Variants in FBXW4 observed in about 807,000 individuals in gnomAD.
FBXW4 encodes F-box/WD repeat-containing protein 4.
In FBXW4, 40 loss-of-function variants were observed where a neutral mutation model predicts 61.8. That is an observed-to-expected ratio of 0.65 (90% CI 0.50 to 0.84). The LOEUF (loss-of-function observed/expected upper bound fraction) is 0.84. FBXW4 is among the 40% of genes least tolerant of loss of function. The probability of loss-of-function intolerance (pLI) is 0.00; values close to 1 mark genes in which losing one functional copy is unlikely to be tolerated. For synonymous variants in FBXW4, 311 were observed against 313.8 expected, an observed-to-expected ratio of 0.99 and a Z score of 0.10; for missense variants, 672 against 753.8, an observed-to-expected ratio of 0.89 and a Z score of 1.27.
At chr10:101,669,567 C>G (rs1564921386) in intron 4 of FBXW4, among the ~76,000 whole-genome samples, 2 of 152,178 alleles carry the variant, frequency 1.3e-5, no homozygotes, top group South Asian at 4.1e-4. Context: ...AAGCATGCCA[C>G]CAATTCTGAG....
chr10:101,622,503 T>C (rs183997212), intron 6 of FBXW4, among the ~76,000 whole-genome samples: 186 of 151,942 alleles, frequency 1.2e-3, no homozygotes, highest in Non-Finnish European at 1.8e-3. Context: ...CGAGGCAGGC[T>C]GATCACGAGG....
chr10:101,694,507 A>T lies in FBXW4; in HGVS notation c.599T>A (p.Met200Lys), dbSNP rs1401964209. The T allele has an allele frequency of 6.6e-7, 1 of 1,519,016 alleles. No individual in the cohort carries two copies. Among genetic ancestry groups the T allele is most frequent in the Non-Finnish European group, 8.7e-7 (1 of 1,143,318 alleles). The allele number at this position is 1,519,016 out of a possible 1,614,324, so 94.1% of individuals were successfully genotyped here. Reference protein sequence around the residue: ...LLLLICSYLDMRALGRLAQVC... With the variant: ...LLLLICSYLDKRALGRLAQVC... ...CTGGGCCAGGCGGCCGAGGGCCCGC[A>T]TGTCCAGGTAGGAGCAGATGAGCAG... The change falls in exon 1 of 9, where the codon ATG (methionine) becomes AAG (lysine). Residue 200 changes from methionine (M) to lysine (K), a missense_variant. Physicochemically the swap from Met to Lys is moderately conservative, Grantham distance 95. Coordinates refer to ENST00000331272, the MANE Select transcript of FBXW4 (RefSeq NM_022039.4). This position sits in a 1 kb window ranked among gnomAD's most constrained non-coding sequence, Gnocchi z 6.0.
At chr10:101,681,741 A>ATAATAATAG (rs1321835769) in intron 1 of FBXW4, among the ~76,000 whole-genome samples, 117 of 148,828 alleles carry the variant, frequency 7.9e-4, no homozygotes, top group Non-Finnish European at 1.4e-3. Context: ...AATAATAATA[A>ATAATAATAG]TAATAATAAT....
At chr10:101,633,535 A>G (rs2063975784) in intron 5 of FBXW4, among the ~76,000 whole-genome samples, 2 of 152,184 alleles carry the variant, frequency 1.3e-5, no homozygotes, top group African/African-American at 4.8e-5. Context: ...ATCATGGCAC[A>G]TGTACACCTA....
intron 5 of FBXW4, among the ~76,000 whole-genome samples, chr10:101,662,540 C>A (rs1220179224): frequency 6.6e-6 from 1 of 152,210 alleles, no homozygotes; most frequent in Non-Finnish European, 1.5e-5. Flanking sequence ...ACCTATACCA[C>A]TCATATATTT....
At chr10:101,684,290 C>T (rs1207906654) in intron 1 of FBXW4, among the ~76,000 whole-genome samples, 1 of 152,164 alleles carries the variant, frequency 6.6e-6, no homozygotes, top group Non-Finnish European at 1.5e-5. Flanking sequence ...TGCCCGGCTA[C>T]TTTATTTTTG....
chr10:101,636,026 C>T (rs1005726581), intron 5 of FBXW4, among the ~76,000 whole-genome samples: 11 of 152,040 alleles, frequency 7.2e-5, no homozygotes, highest in Admixed American at 6.5e-5. Context: ...TGGCCAAATA[C>T]ATATGAAATA....
Position 101,628,006 on chromosome 10 carries a change from G to A in FBXW4, c.1236-3196C>T, listed in dbSNP as rs967198621. The stretch of plus-strand genomic sequence containing the variant: ...TAACCTGTTCGATTTGAATCCGCGA[G>A]ATGTCTTCAACCAGATTCTCGTCAC... On this transcript the variant is annotated intron_variant, in intron 5 of 8. Coordinates refer to ENST00000331272, the MANE Select transcript of FBXW4 (RefSeq NM_022039.4). The A allele has an allele frequency of 6.1e-6, 6 of 985,184 alleles. No individual in the cohort carries two copies. In the African/African-American group the frequency reaches 1.0e-4, roughly 17 times the overall value. The allele number at this position is 985,184 out of a possible 1,614,324, so 61.0% of individuals were successfully genotyped here.
chr10:101,678,102 C>T (rs1380778216), intron 1 of FBXW4, among the ~76,000 whole-genome samples: 1 of 151,994 alleles, frequency 6.6e-6, no homozygotes, highest in African/African-American at 2.4e-5. Context: ...CATTGGAGGG[C>T]GAGTGTCAAT....
intron 4 of FBXW4, among the ~76,000 whole-genome samples, chr10:101,671,358 T>A (rs2134891519): frequency 6.6e-6 from 1 of 152,314 alleles, no homozygotes; most frequent in Admixed American, 6.5e-5. Flanking sequence ...TGGACTGTGG[T>A]GACAATTTTA....
intron 4 of FBXW4, among the ~76,000 whole-genome samples, chr10:101,672,646 C>T (rs555714886): frequency 1.3e-5 from 2 of 152,276 alleles, no homozygotes; most frequent in South Asian, 4.2e-4. Context: ...GGAAAGGCTG[C>T]CAGGTCCTCT....
chr10:101,690,514 G>A lies in FBXW4; in HGVS notation c.725+3867C>T, dbSNP rs572506131. ...GGATATCTATTAGTGTTCACTGTTC[G>A]GGCAAGAGGCCTAAAGGGAAGCAAA... On this transcript the variant is annotated intron_variant, in intron 1 of 8. Transcript: ENST00000331272. 3.3e-5 allele frequency among the ~76,000 whole-genome samples: 5 copies of A among 152,082 alleles called. No individual in the cohort carries two copies. The South Asian group carries it at 1.0e-3, about 32-fold the overall frequency.
chr10:101,695,265 T>TGCGGGCTGGGGCCGGGGC (rs2064664539), upstream of FBXW4: 1 of 931,204 alleles, frequency 1.1e-6, no homozygotes, highest in African/African-American at 1.8e-5. This position sits in a 1 kb window ranked among gnomAD's most constrained non-coding sequence, Gnocchi z 4.2. Flanking sequence ...CACTTCGGGG[T>TGCGGGCTGGGGCCGGGGC]GCGGGCTGGG....
chr10:101,667,954 C>T lies in FBXW4; in HGVS notation c.1167G>A (p.Leu389=), dbSNP rs773646951. The T allele has an allele frequency of 2.5e-6, 4 of 1,614,084 alleles. No individual in the cohort carries two copies. The highest frequency in any genetic ancestry group is 2.2e-5 in the South Asian group (2 of 91,090). Reference sequence around the variant, plus strand: ...TCTGGATGGTGTGTAAGCACTGCCCCAGCCGGCCTGAGGCCAAAGGCCACA... The same window carrying T: ...TCTGGATGGTGTGTAAGCACTGCCCTAGCCGGCCTGAGGCCAAAGGCCACA... ...AKVWPLASGR[L]GQCLHTIQTE... Residue 389 remains leucine (L), a synonymous_variant, in exon 5 of 9, where the codon CTG becomes CTA. Coordinates refer to ENST00000331272, the MANE Select transcript of FBXW4 (RefSeq NM_022039.4).
In FBXW4 at chr10:101,676,265, T is replaced by G. The variant is rs555859926; in HGVS notation, c.821+76A>C. On this transcript the variant is annotated intron_variant, in intron 2 of 8. Transcript: ENST00000331272. ...CCCAAGATAGCCCCATTAGCCTCTATGTAGGACCAGATTTTTTACTTTCCA... is the reference window on the plus strand; with the variant it reads ...CCCAAGATAGCCCCATTAGCCTCTAGGTAGGACCAGATTTTTTACTTTCCA... 356 of 1,272,294 alleles carry G rather than the reference T, an allele frequency of 2.8e-4. 1 individual carries two copies. Among genetic ancestry groups the G allele is most frequent in the Non-Finnish European group, 3.9e-4 (346 of 889,954 alleles). 78.8% of individuals were successfully genotyped at this position (1,272,294 alleles called of 1,614,324 possible). A position where few individuals can be genotyped will look rare whatever the true frequency, so the allele number is the denominator to read the frequency against.
At chr10:101,625,066 G>A in intron 5 of FBXW4, 1 of 553,942 alleles carries the variant, frequency 1.8e-6, no homozygotes, top group Admixed American at 3.0e-5. Flanking sequence ...AGACTAGGTT[G>A]AGTGGTCTCT....
chr10:101,623,107 T>C (rs1305777641), intron 6 of FBXW4: 2 of 152,118 alleles, frequency 1.3e-5, no homozygotes, highest in African/African-American at 4.8e-5. Context: ...CATGATGAAA[T>C]ATAACACCTT....
intron 5 of FBXW4, among the ~76,000 whole-genome samples, chr10:101,638,631 A>C (rs1340480396): frequency 6.6e-6 from 1 of 152,222 alleles, no homozygotes; most frequent in African/African-American, 2.4e-5. Context: ...TAAAACAACA[A>C]AACAGAAATT....
chr10:101,685,696 T>A (rs9731161), intron 1 of FBXW4, among the ~76,000 whole-genome samples: 3,977 of 152,142 alleles, frequency 0.026, 172 homozygotes, highest in African/African-American at 0.088. Context: ...CTTGCTTTTT[T>A]AAAAAAAAAT....
Sources: allele counts gnomAD v4.1 joint callset (sites outside exome capture counted in the v4.1 genomes callset), GRCh38; gene constraint gnomAD v4.1.1; non-coding constraint Gnocchi (gnomAD v3.1); transcripts MANE v1.5; gene names NCBI Gene and HGNC (gene_info 2026-07-23, HGNC 2026-07-21).